SLC16A7: variants seen among roughly 807,000 people sequenced by gnomAD.
SLC16A7 encodes the protein monocarboxylate transporter 2.
SLC16A7 carries 33 observed loss-of-function variants against 34.9 expected under a neutral mutation model. The observed-to-expected ratio is 0.94, with a 90% confidence interval of 0.72 to 1.26. SLC16A7 has a LOEUF of 1.26. Among genes scored for constraint, SLC16A7 ranks in the 50% most tolerant of loss-of-function variants. The pLI, the probability that SLC16A7 is intolerant of heterozygous loss-of-function variation, is 0.00. For missense variants in SLC16A7, 573 were observed against 578.1 expected (o/e 0.99, Z 0.09); for synonymous variants, 201 against 206.6 (o/e 0.97, Z 0.23).
At chr12:59,741,468 T>G (rs1160474059) in intron 3 of SLC16A7, among the ~76,000 whole-genome samples, 3 of 152,196 alleles carry the variant, frequency 2.0e-5, no homozygotes, top group Non-Finnish European at 4.4e-5. Flanking sequence ...TTCCTAGGGT[T>G]TCTTGTAGAT....
chr12:59,714,093 G>A (rs541432104), intron 3 of SLC16A7, among the ~76,000 whole-genome samples: 23 of 152,312 alleles, frequency 1.5e-4, no homozygotes, highest in Non-Finnish European at 2.5e-4. Flanking sequence ...TAAGGAGGCA[G>A]CGTTAGTCAA....
At chr12:59,716,349 G>A (rs916475982) in intron 3 of SLC16A7, among the ~76,000 whole-genome samples, 128 of 152,062 alleles carry the variant, frequency 8.4e-4, no homozygotes, top group African/African-American at 2.8e-3. Context: ...ATAGAACTCC[G>A]ATCTACGTCA....
At chr12:59,745,915 G>A (rs532537399) in intron 3 of SLC16A7, among the ~76,000 whole-genome samples, 1 of 152,222 alleles carries the variant, frequency 6.6e-6, no homozygotes, top group East Asian at 1.9e-4. Context: ...CATTCACAAA[G>A]GTAATCATGA....
intron 1 of SLC16A7, among the ~76,000 whole-genome samples, chr12:59,630,374 A>T (rs148174166): frequency 2.0e-5 from 3 of 152,024 alleles, no homozygotes; most frequent in Non-Finnish European, 4.4e-5. Context: ...TTGGAAGATC[A>T]TGCTTTAGAA....
intron 1 of SLC16A7, among the ~76,000 whole-genome samples, chr12:59,651,092 G>A (rs1485083678): frequency 6.6e-6 from 1 of 152,118 alleles, no homozygotes; most frequent in East Asian, 1.9e-4. Context: ...GACAAGCTCG[G>A]TACAATTTGC....
chr12:59,755,208 C>T (rs565212369), intron 3 of SLC16A7, among the ~76,000 whole-genome samples: 170 of 152,170 alleles, frequency 1.1e-3, no homozygotes, highest in Non-Finnish European at 2.0e-3. Flanking sequence ...ACAGGGATGC[C>T]CTCTCTCACC....
At chr12:59,757,259 TAATAA>T (rs60300922) in intron 3 of SLC16A7, among the ~76,000 whole-genome samples, 18 of 150,706 alleles carry the variant, frequency 1.2e-4, no homozygotes, top group South Asian at 2.1e-4. Flanking sequence ...AGTATAATAA[TAATAA>T]AATAAAATAA....
chr12:59,623,811 T>G (rs909431719), intron 1 of SLC16A7, among the ~76,000 whole-genome samples: 1 of 151,644 alleles, frequency 6.6e-6, no homozygotes, highest in African/African-American at 2.4e-5. Flanking sequence ...TTTTGATCTC[T>G]TAAAGGGATA....
At chr12:59,710,538 A>G (rs1874102898) in intron 3 of SLC16A7, among the ~76,000 whole-genome samples, 1 of 152,192 alleles carries the variant, frequency 6.6e-6, no homozygotes, top group African/African-American at 2.4e-5. Context: ...ATCTAGTACA[A>G]ATAATATCAG....
intron 1 of SLC16A7, among the ~76,000 whole-genome samples, chr12:59,613,041 A>G (rs989297747): frequency 2.6e-5 from 4 of 152,110 alleles, no homozygotes; most frequent in Non-Finnish European, 5.9e-5. Flanking sequence ...GTACCAATTT[A>G]CTGTATTAAT....
chr12:59,776,429 T>C (rs906686891), intron 5 of SLC16A7, among the ~76,000 whole-genome samples: 1 of 152,198 alleles, frequency 6.6e-6, no homozygotes, highest in African/African-American at 2.4e-5. Flanking sequence ...GTTATAAATA[T>C]TACATTCTGT....
At chr12:59,726,351 T>G (rs2706322) in intron 3 of SLC16A7, among the ~76,000 whole-genome samples, 1 of 151,932 alleles carries the variant, frequency 6.6e-6, no homozygotes, top group African/African-American at 2.4e-5. Flanking sequence ...AAGCACAGAA[T>G]AAAGTTTTTA....
intron 2 of SLC16A7, among the ~76,000 whole-genome samples, chr12:59,684,351 C>G (rs1001793490): frequency 6.6e-6 from 1 of 152,142 alleles, no homozygotes; most frequent in African/African-American, 2.4e-5. Flanking sequence ...TCCTTTTCCT[C>G]TAGGACAGAA....
intron 2 of SLC16A7, among the ~76,000 whole-genome samples, chr12:59,670,138 T>G (rs986398518): frequency 2.6e-5 from 4 of 152,206 alleles, no homozygotes. Context: ...AAACCCAGGC[T>G]TTTCTTGATT....
chr12:59,771,296 G>C lies in SLC16A7; in HGVS notation c.295G>C (p.Gly99Arg). The C allele has an allele frequency of 6.2e-7, 1 of 1,613,416 alleles. No homozygotes were observed. Among genetic ancestry groups the C allele is most frequent in the Non-Finnish European group, 8.5e-7 (1 of 1,179,562 alleles). The change falls in exon 4 of 6, where the codon GGA becomes CGA. Residue 99 changes from glycine (G) to arginine (R), a missense_variant. Physicochemically the swap from Gly to Arg is moderately radical, Grantham distance 125. Coordinates refer to ENST00000547379, the MANE Select transcript of SLC16A7 (RefSeq NM_001270623.2). ...VIAGGLLCCL[G>R]MVLASFSSSV... ...AGCAGGAGGCTTATTATGCTGTCTT[G>C]GAATGGTGTTGGCCTCCTTTAGTAG...
At chr12:59,696,146 TC>T (rs1872264496) in intron 2 of SLC16A7, among the ~76,000 whole-genome samples, 1 of 151,940 alleles carries the variant, frequency 6.6e-6, no homozygotes, top group Non-Finnish European at 1.5e-5. Context: ...AGGCTTGTAA[TC>T]TACTGTTTTT....
chr12:59,605,849 A>G (rs1454017559), intron 1 of SLC16A7, among the ~76,000 whole-genome samples: 3 of 152,222 alleles, frequency 2.0e-5, no homozygotes. Flanking sequence ...ACAGATAGAT[A>G]TAGCCCAATG....
intron 2 of SLC16A7, among the ~76,000 whole-genome samples, chr12:59,656,179 C>G (rs766700630): frequency 6.6e-6 from 1 of 151,926 alleles, no homozygotes; most frequent in Non-Finnish European, 1.5e-5. Context: ...TCTTCTACCT[C>G]AAGTTCATGA....
At chr12:59,756,439 G>T (rs1455789290) in intron 3 of SLC16A7, among the ~76,000 whole-genome samples, 1 of 151,682 alleles carries the variant, frequency 6.6e-6, no homozygotes, top group African/African-American at 2.4e-5. Flanking sequence ...ATCAAAAAGT[G>T]GACGAAGGAC....
Sources: gnomAD v4.1 joint callset for allele counts (sites outside exome capture counted in the v4.1 genomes callset) on GRCh38, gnomAD v4.1.1 for gene constraint, MANE v1.5 for transcripts, NCBI Gene and HGNC (gene_info 2026-07-23, HGNC 2026-07-21) for gene names.